Variants in RERE observed in about 807,000 individuals in gnomAD.
RERE encodes the protein arginine-glutamic acid dipeptide repeats protein.
Under a neutral mutation model 146.1 loss-of-function variants are expected in RERE, and 40 were observed. That is an observed-to-expected ratio of 0.27 (90% CI 0.21 to 0.36). The LOEUF (loss-of-function observed/expected upper bound fraction) is 0.36. Among genes scored for constraint, RERE ranks in the 10% least tolerant of loss-of-function variants. The pLI, the probability that RERE is intolerant of heterozygous loss-of-function variation, is 1.00. For synonymous variants in RERE, 1,003 were observed against 866.0 expected, an observed-to-expected ratio of 1.16 and a Z score of -2.78; for missense variants, 1,933 against 2,138.7, an observed-to-expected ratio of 0.90 and a Z score of 1.90.
chr1:8,760,427 T>C (rs942219132), intron 1 of RERE, among the ~76,000 whole-genome samples: 2 of 152,192 alleles, frequency 1.3e-5, no homozygotes, highest in African/African-American at 2.4e-5. Flanking sequence ...AAATCGGAGA[T>C]GAATTAAAAG....
chr1:8,786,396 A>G (rs1641259798), intron 1 of RERE: 12 of 872,132 alleles, frequency 1.4e-5, no homozygotes, highest in East Asian at 9.7e-5. Context: ...AGATGATGCC[A>G]TATTTACCAA....
chr1:8,544,187 G>C (rs1233107300), intron 6 of RERE, among the ~76,000 whole-genome samples: 1 of 152,080 alleles, frequency 6.6e-6, no homozygotes, highest in African/African-American at 2.4e-5. Context: ...AACCAACCTT[G>C]CATTCCTGGA....
At chr1:8,564,826 A>ATATATGTGTGTGTGTGTG (rs1384858524) in intron 4 of RERE, among the ~76,000 whole-genome samples, 16 of 117,916 alleles carry the variant, frequency 1.4e-4, no homozygotes, top group South Asian at 8.1e-4. Flanking sequence ...GTGTGTGTAT[A>ATATATGTGTGTGTGTGTG]TGTGTATGTG....
intron 8 of RERE, 74 bp downstream of exon 8, chr1:8,508,553 C>A: frequency 8.8e-7 from 1 of 1,140,378 alleles, no homozygotes; most frequent in Non-Finnish European, 1.3e-6. Flanking sequence ...TAAGATGCTG[C>A]GCAACAGAAT....
chr1:8,601,919 A>C (rs1646636819), intron 4 of RERE, among the ~76,000 whole-genome samples: 3 of 151,412 alleles, frequency 2.0e-5, no homozygotes, highest in Admixed American at 1.3e-4. Flanking sequence ...CTCCATTCTA[A>C]TCAGGCATCG....
In RERE at chr1:8,355,409, C is replaced by T; in HGVS notation, c.4667+10G>A. The T allele has an allele frequency of 1.2e-6, 2 of 1,611,776 alleles. No individual in the cohort carries two copies. The highest frequency in any genetic ancestry group is 2.2e-5 in the South Asian group (2 of 90,994). On this transcript the variant is annotated intron_variant, in intron 22 of 22. Coordinates refer to ENST00000400908, the MANE Select transcript of RERE (RefSeq NM_001042681.2). Reference sequence around the variant, plus strand: ...TAACCCCTCCACTCCCTCCCAGCACCCCACCTCACCTGTAATAATCTTCCT... The same window carrying T: ...TAACCCCTCCACTCCCTCCCAGCACTCCACCTCACCTGTAATAATCTTCCT...
intron 10 of RERE, among the ~76,000 whole-genome samples, chr1:8,493,162 G>A (rs1158969102): frequency 6.6e-6 from 1 of 152,120 alleles, no homozygotes; most frequent in Non-Finnish European, 1.5e-5. Context: ...ACACTTTTAA[G>A]GTATTCTGAA....
In RERE at chr1:8,498,937, A is replaced by G. The variant is rs1645090488; in HGVS notation, c.880-1408T>C. On this transcript the variant is annotated intron_variant, in intron 8 of 22. Coordinates refer to ENST00000400908, the MANE Select transcript of RERE (RefSeq NM_001042681.2). ...TGAAAAGCATACATAAGATACGAAC[A>G]ATTCGCTGTACATAGAGTATACCTC... Among the ~76,000 whole-genome samples, 3 of 152,070 alleles carry G rather than the reference A, an allele frequency of 2.0e-5. 1 individual carries two copies. In the South Asian group the frequency reaches 6.2e-4, roughly 32 times the overall value.
At chr1:8,710,317 G>A (rs957266629) in intron 1 of RERE, among the ~76,000 whole-genome samples, 4 of 152,142 alleles carry the variant, frequency 2.6e-5, no homozygotes, top group South Asian at 2.1e-4. Context: ...TGCAGTCTAC[G>A]TAATATACTC....
chr1:8,806,862 T>G (rs144457855), intron 1 of RERE: 1 of 152,328 alleles, frequency 6.6e-6, no homozygotes, highest in Admixed American at 6.5e-5. Flanking sequence ...GACTTCAGCT[T>G]TGCTCTGCTA....
intron 1 of RERE, among the ~76,000 whole-genome samples, chr1:8,795,024 C>CA (rs1465765152): frequency 6.6e-6 from 1 of 151,950 alleles, no homozygotes; most frequent in Non-Finnish European, 1.5e-5. Context: ...CTATGTTACC[C>CA]AGACTGTCTT....
At chr1:8,609,763 A>G (rs142327322) in intron 4 of RERE, among the ~76,000 whole-genome samples, 2 of 152,334 alleles carry the variant, frequency 1.3e-5, no homozygotes, top group East Asian at 1.9e-4. Context: ...AAATGGTACT[A>G]TGGTATCAAG....
chr1:8,404,010 T>C (rs1271993107), intron 12 of RERE, among the ~76,000 whole-genome samples: 1 of 151,856 alleles, frequency 6.6e-6, no homozygotes, highest in Admixed American at 6.6e-5. Context: ...TTCGTATTTT[T>C]AGTAGAGACG....
intron 7 of RERE, among the ~76,000 whole-genome samples, chr1:8,540,936 A>G (rs980043784): frequency 6.6e-6 from 1 of 152,190 alleles, no homozygotes; most frequent in African/African-American, 2.4e-5. Flanking sequence ...AGATAAACTA[A>G]AAGTATATCT....
intron 8 of RERE, among the ~76,000 whole-genome samples, chr1:8,504,966 G>T (rs759834502): frequency 3.3e-5 from 5 of 152,184 alleles, no homozygotes; most frequent in Admixed American, 1.3e-4. Flanking sequence ...GGAAGGCAGG[G>T]TACCAAACTA....
chr1:8,505,864 A>G (rs911871315), intron 8 of RERE, among the ~76,000 whole-genome samples: 1 of 152,232 alleles, frequency 6.6e-6, no homozygotes, highest in Non-Finnish European at 1.5e-5. Flanking sequence ...TTCATTTTTA[A>G]AAGTTTTATT....
intron 4 of RERE, among the ~76,000 whole-genome samples, chr1:8,570,825 C>T (rs948456816): frequency 6.6e-6 from 1 of 152,110 alleles, no homozygotes; most frequent in African/African-American, 2.4e-5. Flanking sequence ...AGCACAATGA[C>T]TAGAGATTTT....
intron 1 of RERE, among the ~76,000 whole-genome samples, chr1:8,700,266 T>A (rs541572325): frequency 6.6e-6 from 1 of 151,810 alleles, no homozygotes; most frequent in African/African-American, 2.4e-5. Flanking sequence ...GACCATGCCA[T>A]TGCACTCCAG....
chr1:8,652,682 C>T (rs1018552258), intron 2 of RERE, among the ~76,000 whole-genome samples: 2 of 152,196 alleles, frequency 1.3e-5, no homozygotes, highest in Non-Finnish European at 2.9e-5. Flanking sequence ...ATAAAACCAT[C>T]ATATCCTGTG....
Sources: gnomAD v4.1 joint callset for allele counts (sites outside exome capture counted in the v4.1 genomes callset) on GRCh38, gnomAD v4.1.1 for gene constraint, MANE v1.5 for transcripts, NCBI Gene and HGNC (gene_info 2026-07-23, HGNC 2026-07-21) for gene names.